Variants in INSL6 observed in about 807,000 individuals in gnomAD.
INSL6 encodes insulin-like peptide INSL6.
In INSL6, 16 loss-of-function variants were observed where a neutral mutation model predicts 9.4. That is an observed-to-expected ratio of 1.70 (90% CI 1.15 to 2.59). The LOEUF (loss-of-function observed/expected upper bound fraction) is 2.59, where lower values mean the gene tolerates loss of function less well. Ranked by LOEUF, INSL6 falls within the 30% of genes most tolerant of loss-of-function variation. The probability of loss-of-function intolerance (pLI) is 0.00; values close to 1 mark genes in which losing one functional copy is unlikely to be tolerated. For missense variants in INSL6, 391 were observed against 257.3 expected, an observed-to-expected ratio of 1.52 and a Z score of -3.56; for synonymous variants, 154 against 96.9, an observed-to-expected ratio of 1.59 and a Z score of -3.46.
At chr9:5,004,271 C>A in the INSL6 span, among the ~76,000 whole-genome samples, 1 of 152,238 alleles carries the variant, frequency 6.6e-6, no homozygotes, top group East Asian at 1.9e-4. Context: ...CTTTGACCAA[C>A]GTCTCCCATT....
At chr9:5,062,966 C>T in the INSL6 span, among the ~76,000 whole-genome samples, 5 of 151,870 alleles carry the variant, frequency 3.3e-5, no homozygotes, top group Non-Finnish European at 7.4e-5. Context: ...AGGTATATTC[C>T]TTTGTTATAC....
chr9:5,033,933 GAC>G, the INSL6 span, among the ~76,000 whole-genome samples: 3 of 152,244 alleles, frequency 2.0e-5, no homozygotes, highest in East Asian at 5.8e-4. Flanking sequence ...CCAATTAAAA[GAC>G]ACAGACTGGT....
At chr9:5,056,837 G>C in the INSL6 span, among the ~76,000 whole-genome samples, 1 of 152,120 alleles carries the variant, frequency 6.6e-6, no homozygotes, top group Non-Finnish European at 1.5e-5. Context: ...TTTGGACTTG[G>C]CTTAATTTTA....
In INSL6 at chr9:5,164,024, C is replaced by T. The variant is rs1005570517; in HGVS notation, c.531G>A (p.Lys177=). The change falls in exon 2 of 2, where the codon AAG becomes AAA. Residue 177 remains lysine (K), a synonymous_variant. Coordinates refer to ENST00000381641, the MANE Select transcript of INSL6 (RefSeq NM_007179.3). ...CTTTTGTACATCCTGTAAGACAACA[C>T]TTTTCTGAATATCCTCTGCGTTTTC... ...PQRKRRGYSE[K]CCLTGCTKEE... 4 of 1,613,624 alleles carry T rather than the reference C, an allele frequency of 2.5e-6. No homozygotes were observed. Among genetic ancestry groups the T allele is most frequent in the Non-Finnish European group, 1.7e-6 (2 of 1,179,814 alleles).
At chr9:5,073,603 G>C in the INSL6 span, 1 of 903,864 alleles carries the variant, frequency 1.1e-6, no homozygotes. Context: ...CTGAAAGTAG[G>C]AGAAAGTGCA....
chr9:5,185,257 T>C (rs1825541487), intron 1 of INSL6, 57 bp downstream of exon 1: 16 of 1,607,440 alleles, frequency 1.0e-5, no homozygotes, highest in Non-Finnish European at 1.3e-5. Flanking sequence ...GCAGAGCAAA[T>C]GCAGGAATAA....
chr9:5,064,340 G>A, the INSL6 span, among the ~76,000 whole-genome samples: 1 of 152,078 alleles, frequency 6.6e-6, no homozygotes, highest in Non-Finnish European at 1.5e-5. Context: ...GACCAGCCTG[G>A]CCAACATGGC....
At chr9:5,000,858 A>G in the INSL6 span, among the ~76,000 whole-genome samples, 1 of 152,136 alleles carries the variant, frequency 6.6e-6, no homozygotes, top group Non-Finnish European at 1.5e-5. Flanking sequence ...TTGATAACGT[A>G]TTGGTTGGTT....
At chr9:5,110,628 T>C in the INSL6 span, 7 of 201,390 alleles carry the variant, frequency 3.5e-5, no homozygotes, top group South Asian at 1.8e-4. Context: ...CACAGGCTTT[T>C]ACTCTAAAGA....
At chr9:5,044,719 A>G in the INSL6 span, among the ~76,000 whole-genome samples, 33 of 152,022 alleles carry the variant, frequency 2.2e-4, no homozygotes, top group Non-Finnish European at 3.8e-4. Flanking sequence ...AATCTATTTT[A>G]TAAAGTTTTT....
At chr9:4,999,468 A>G in the INSL6 span, among the ~76,000 whole-genome samples, 1,123 of 152,340 alleles carry the variant, frequency 7.4e-3, 13 homozygotes, top group African/African-American at 0.026. Context: ...AAAGATTACA[A>G]ATGCTTATTG....
chr9:5,010,612 G>A, the INSL6 span, among the ~76,000 whole-genome samples: 8 of 152,156 alleles, frequency 5.3e-5, no homozygotes, highest in African/African-American at 9.7e-5. Flanking sequence ...GGGCCACCAC[G>A]CCTGGCTGTC....
chr9:5,164,183 G>A lies in INSL6; in HGVS notation c.372C>T (p.Pro124=), dbSNP rs35192311. The change falls in exon 2 of 2, where the codon CCC becomes CCT. Residue 124 remains proline, a synonymous_variant. Coordinates refer to ENST00000381641, the MANE Select transcript of INSL6 (RefSeq NM_007179.3). ...AAGAAAATTCTCTTGTCTTACCAAGGGGTGAATATCCCTTTTTATCCTTAT... is the reference window on the plus strand; with the variant it reads ...AAGAAAATTCTCTTGTCTTACCAAGAGGTGAATATCCCTTTTTATCCTTAT... The part of the protein sequence containing the change: ...PEYKDKKGYS[P]LGKTREFSSS... The A allele has an allele frequency of 1.1e-3, 1,789 of 1,607,092 alleles. 18 individuals carry two copies. In the African/African-American group the frequency reaches 0.022, roughly 20 times the overall value.
the INSL6 span, among the ~76,000 whole-genome samples, chr9:5,000,360 A>G: frequency 6.6e-6 from 1 of 152,220 alleles, no homozygotes; most frequent in African/African-American, 2.4e-5. Context: ...CGAATGTGTA[A>G]GGAGACCAGT....
At chr9:5,072,690 T>G in the INSL6 span, 1 of 1,211,782 alleles carries the variant, frequency 8.3e-7, no homozygotes, top group Non-Finnish European at 1.1e-6. Context: ...CTCATATGCA[T>G]ACAACGTACT....
intron 1 of INSL6, among the ~76,000 whole-genome samples, chr9:5,180,653 G>A (rs1180892172): frequency 6.6e-6 from 1 of 152,090 alleles, no homozygotes; most frequent in African/African-American, 2.4e-5. Flanking sequence ...CTCCACCCTG[G>A]TAAATTTGTG....
intron 1 of INSL6, among the ~76,000 whole-genome samples, chr9:5,178,328 G>A (rs764825383): frequency 2.6e-5 from 4 of 152,160 alleles, no homozygotes; most frequent in Admixed American, 6.5e-5. Flanking sequence ...CCATCTCCAC[G>A]GTTCCCTTTA....
chr9:5,179,315 C>T (rs1459013973), intron 1 of INSL6, among the ~76,000 whole-genome samples: 1 of 152,184 alleles, frequency 6.6e-6, no homozygotes, highest in Non-Finnish European at 1.5e-5. Flanking sequence ...GAGATACCAT[C>T]TCATGCCAGT....
At chr9:5,111,694 C>G in the INSL6 span, 2 of 430,142 alleles carry the variant, frequency 4.6e-6, no homozygotes, top group Non-Finnish European at 9.2e-6. Context: ...GCGGAGGCAG[C>G]AGCACGTTTG....
Sources: gnomAD v4.1 joint callset for allele counts (sites outside exome capture counted in the v4.1 genomes callset) on GRCh38, gnomAD v4.1.1 for gene constraint, MANE v1.5 for transcripts, NCBI Gene and HGNC (gene_info 2026-07-23, HGNC 2026-07-21) for gene names.